Variants in KHDRBS2 observed in about 807,000 individuals in gnomAD.
KHDRBS2 encodes KH RNA binding domain containing, signal transduction associated 2.
KHDRBS2 carries 26 observed loss-of-function variants against 44.3 expected under a neutral mutation model. The ratio of observed to expected loss-of-function variants is 0.59; its 90% CI spans 0.43 to 0.81. The LOEUF (loss-of-function observed/expected upper bound fraction) is 0.81, where lower values mean the gene tolerates loss of function less well. KHDRBS2 is among the 40% of genes least tolerant of loss of function. The pLI is 0.00. For synonymous variants in KHDRBS2, 194 were observed against 151.1 expected, an observed-to-expected ratio of 1.28 and a Z score of -2.08; for missense variants, 476 against 433.1, an observed-to-expected ratio of 1.10 and a Z score of -0.88.
intron 8 of KHDRBS2, among the ~76,000 whole-genome samples, chr6:61,685,023 C>T (rs1211813378): frequency 6.6e-6 from 1 of 151,438 alleles, no homozygotes; most frequent in African/African-American, 2.4e-5. Flanking sequence ...TTAAGGGGCC[C>T]ATAAAAGACA....
chr6:62,241,053 T>C (rs1022034534), intron 1 of KHDRBS2, among the ~76,000 whole-genome samples: 4 of 152,044 alleles, frequency 2.6e-5, no homozygotes, highest in Admixed American at 1.3e-4. Flanking sequence ...TTTAAAGTGT[T>C]TCAAAATTTT....
chr6:61,884,694 C>T (rs1800672267), intron 6 of KHDRBS2, among the ~76,000 whole-genome samples: 1 of 152,060 alleles, frequency 6.6e-6, no homozygotes, highest in Admixed American at 6.6e-5. Flanking sequence ...GTTACTGTTA[C>T]ACTATGTAAC....
chr6:62,279,682 T>C (rs1347156606), intron 1 of KHDRBS2, among the ~76,000 whole-genome samples: 2 of 152,028 alleles, frequency 1.3e-5, no homozygotes, highest in Non-Finnish European at 2.9e-5. Context: ...GAAGAAGGAA[T>C]AGCAGTACTC....
intron 7 of KHDRBS2, among the ~76,000 whole-genome samples, chr6:61,701,102 T>C (rs1768581554): frequency 6.6e-6 from 1 of 151,918 alleles, no homozygotes; most frequent in Non-Finnish European, 1.5e-5. Context: ...TGGCCCTTGT[T>C]ATGCCATTGC....
At chr6:61,804,374 G>A (rs1786788975) in intron 6 of KHDRBS2, among the ~76,000 whole-genome samples, 1 of 152,130 alleles carries the variant, frequency 6.6e-6, no homozygotes, top group Non-Finnish European at 1.5e-5. Context: ...CCCCCTCCCA[G>A]CTGTGTTCAT....
At chr6:61,679,217 C>T (rs1766108659), downstream of KHDRBS2, among the ~76,000 whole-genome samples, 1 of 151,830 alleles carries the variant, frequency 6.6e-6, no homozygotes. Flanking sequence ...AGCATCAAGT[C>T]TTTCACTTTC....
At chr6:61,943,657 T>TA (rs1812601152) in intron 4 of KHDRBS2, among the ~76,000 whole-genome samples, 1 of 152,108 alleles carries the variant, frequency 6.6e-6, no homozygotes, top group Admixed American at 6.6e-5. Flanking sequence ...CAAATAGGAC[T>TA]ATGTTATACA....
At chr6:61,668,021 G>A in the KHDRBS2 span, among the ~76,000 whole-genome samples, 59 of 151,010 alleles carry the variant, frequency 3.9e-4, no homozygotes, top group African/African-American at 1.3e-3. Context: ...TCTATGCTAG[G>A]TATTTCCTAT....
intron 1 of KHDRBS2, among the ~76,000 whole-genome samples, chr6:62,208,419 C>A (rs1828409476): frequency 6.6e-6 from 1 of 152,078 alleles, no homozygotes; most frequent in African/African-American, 2.4e-5. Flanking sequence ...AAGTGAAAAA[C>A]AACAGTAAAA....
chr6:62,146,968 T>G lies in KHDRBS2; in HGVS notation c.219+30217A>C, dbSNP rs1283816151. On this transcript the variant is annotated intron_variant, in intron 2 of 8. Coordinates refer to ENST00000281156, the MANE Select transcript of KHDRBS2 (RefSeq NM_152688.4). ...GCTCCCACTGTAAAAGGTTATATTTTTATGCCCAAACCCATGCCCCCAGCA... is the reference window on the plus strand; with the variant it reads ...GCTCCCACTGTAAAAGGTTATATTTGTATGCCCAAACCCATGCCCCCAGCA... Among the ~76,000 whole-genome samples the G allele has an allele frequency of 2.0e-5, 3 of 151,932 alleles. 1 individual carries two copies. The highest frequency in any genetic ancestry group is 1.3e-4 in the Admixed American group (2 of 15,236).
chr6:62,087,297 G>T (rs1415520008), intron 2 of KHDRBS2, among the ~76,000 whole-genome samples: 1 of 151,908 alleles, frequency 6.6e-6, no homozygotes, highest in Non-Finnish European at 1.5e-5. Context: ...AAGACATTAA[G>T]AAAATTATAT....
intron 2 of KHDRBS2, among the ~76,000 whole-genome samples, chr6:62,138,643 C>A (rs976128868): frequency 1.3e-5 from 2 of 152,188 alleles, no homozygotes; most frequent in Non-Finnish European, 2.9e-5. Flanking sequence ...TGAAGCTTGT[C>A]AAGACCATCT....
the KHDRBS2 span, among the ~76,000 whole-genome samples, chr6:61,615,484 G>A: frequency 6.6e-6 from 1 of 152,162 alleles, no homozygotes; most frequent in Admixed American, 6.5e-5. Flanking sequence ...AAAAATAAAT[G>A]AAGAAACAAG....
At chr6:61,633,690 A>G in the KHDRBS2 span, among the ~76,000 whole-genome samples, 1 of 152,072 alleles carries the variant, frequency 6.6e-6, no homozygotes, top group Non-Finnish European at 1.5e-5. Context: ...CTTAACACAT[A>G]ATAGATGTAT....
chr6:62,145,197 T>C (rs1813667289), intron 2 of KHDRBS2, among the ~76,000 whole-genome samples: 1 of 151,870 alleles, frequency 6.6e-6, no homozygotes, highest in Admixed American at 6.6e-5. Flanking sequence ...ATAATTTTTA[T>C]GTTTTCAGTT....
intron 1 of KHDRBS2, among the ~76,000 whole-genome samples, chr6:62,203,133 G>T (rs1217387894): frequency 6.6e-6 from 1 of 152,262 alleles, no homozygotes; most frequent in East Asian, 1.9e-4. Context: ...CGTGGGAGGA[G>T]AGTGGAGAGG....
chr6:62,112,106 C>T (rs1805143089), intron 2 of KHDRBS2, among the ~76,000 whole-genome samples: 1 of 152,062 alleles, frequency 6.6e-6, no homozygotes, highest in African/African-American at 2.4e-5. Flanking sequence ...AGTATAAAGG[C>T]AAGGTGCCTC....
chr6:61,975,688 T>G lies in KHDRBS2; in HGVS notation c.483+2378A>C, dbSNP rs7767230. ...ACACACACACACACACACAGAGAGA[T>G]ATAAAACATCTGAAGGTGATAGGAG... On this transcript the variant is annotated intron_variant, in intron 4 of 8. Coordinates refer to ENST00000281156, the MANE Select transcript of KHDRBS2 (RefSeq NM_152688.4). 2.9e-3 allele frequency among the ~76,000 whole-genome samples: 269 copies of G among 93,904 alleles called. 2 individuals are homozygous for G. Among genetic ancestry groups the G allele is most frequent in the African/African-American group, 9.9e-3 (251 of 25,322 alleles). The allele number at this position is 93,904 out of a possible 152,430, so 61.6% of individuals were successfully genotyped here. A position where few individuals can be genotyped will look rare whatever the true frequency, so the allele number is the denominator to read the frequency against.
At chr6:62,267,494 G>A (rs1839394148) in intron 1 of KHDRBS2, among the ~76,000 whole-genome samples, 1 of 152,014 alleles carries the variant, frequency 6.6e-6, no homozygotes, top group East Asian at 1.9e-4. Flanking sequence ...GGAGACAGGG[G>A]TTCTAAAATG....
Sources: allele counts gnomAD v4.1 joint callset (sites outside exome capture counted in the v4.1 genomes callset), GRCh38; gene constraint gnomAD v4.1.1; transcripts MANE v1.5; gene names NCBI Gene and HGNC (gene_info 2026-07-23, HGNC 2026-07-21).